Variants in NAT1 observed in about 807,000 individuals in gnomAD.
NAT1 encodes arylamine N-acetyltransferase 1.
For synonymous variants in NAT1, 144 were observed against 122.6 expected (o/e 1.17, Z -1.16); for missense variants, 400 against 339.2 (o/e 1.18, Z -1.41).
chr8:18,217,414 G>A (rs1804794510), intron 1 of NAT1, among the ~76,000 whole-genome samples: 1 of 152,252 alleles, frequency 6.6e-6, no homozygotes, highest in Non-Finnish European at 1.5e-5. Flanking sequence ...CTGAGTAAAT[G>A]TAGACTATCT....
intron 2 of NAT1, 190 bp from the exon 3 acceptor site, chr8:18,221,852 T>C (rs1589130410): frequency 3.8e-6 from 2 of 531,554 alleles, no homozygotes; most frequent in East Asian, 6.4e-5. Context: ...AATACATTTC[T>C]CACAGGATTC....
At chr8:18,217,789 C>G (rs116960873) in intron 1 of NAT1, among the ~76,000 whole-genome samples, 1,970 of 152,234 alleles carry the variant, frequency 0.013, 15 homozygotes, top group Non-Finnish European at 0.021. Context: ...GCACAAATCT[C>G]CATTTTCTCC....
chr8:18,199,827 CA>C (rs1482302021), intron 2 of NAT1, among the ~76,000 whole-genome samples: 1 of 152,076 alleles, frequency 6.6e-6, no homozygotes, highest in Non-Finnish European at 1.5e-5. Flanking sequence ...AAGCAAAAAA[CA>C]AACAGCCACA....
chr8:18,219,323 C>G (rs28359523), intron 1 of NAT1, 88 bp from the exon 2 acceptor site: 20,411 of 868,734 alleles, frequency 0.023, 329 homozygotes, highest in Middle Eastern at 0.073. Context: ...TTTAGGAAAT[C>G]TTCATAATTT....
At chr8:18,173,486 C>A (rs1802175145) in intron 2 of NAT1, among the ~76,000 whole-genome samples, 1 of 152,124 alleles carries the variant, frequency 6.6e-6, no homozygotes, top group Admixed American at 6.6e-5. Context: ...ATGCTGTGCA[C>A]CTACATTCAG....
At chr8:18,207,696 A>T (rs1489183852), upstream of NAT1, among the ~76,000 whole-genome samples, 3 of 152,268 alleles carry the variant, frequency 2.0e-5, no homozygotes, top group African/African-American at 2.4e-5. Context: ...TCATTGTGGA[A>T]GATGGTGTGG....
chr8:18,210,024 G>A (rs951330854), upstream of NAT1: 1 of 152,106 alleles, frequency 6.6e-6, no homozygotes, highest in Non-Finnish European at 1.5e-5. Flanking sequence ...AGGGGCCCCT[G>A]GGGTAACCCT....
At chr8:18,193,491 G>GCT (rs1563170643) in intron 2 of NAT1, among the ~76,000 whole-genome samples, 15 of 102,812 alleles carry the variant, frequency 1.5e-4, no homozygotes, top group African/African-American at 3.6e-4. Context: ...TATATAATCT[G>GCT]ATATATATAT....
chr8:18,217,236 G>A lies in NAT1; in HGVS notation c.-85-2175G>A, dbSNP rs28969436. Among the ~76,000 whole-genome samples, 1,083 of 152,292 alleles carry A rather than the reference G, an allele frequency of 7.1e-3. 6 individuals are homozygous for A. Among genetic ancestry groups the A allele is most frequent in the Non-Finnish European group, 0.012 (806 of 68,030 alleles). On this transcript the variant is annotated intron_variant, in intron 1 of 2. Coordinates refer to ENST00000307719, the MANE Select transcript of NAT1 (RefSeq NM_000662.8). ...TTTCTACAACAGCCTGCCAGTCCCC[G>A]AAATCCTCTAAGTTGTTTCTTAGTG...
At chr8:18,179,145 C>T (rs1285285530) in intron 2 of NAT1, among the ~76,000 whole-genome samples, 1 of 152,060 alleles carries the variant, frequency 6.6e-6, no homozygotes, top group Non-Finnish European at 1.5e-5. Flanking sequence ...ACAGTATTTG[C>T]CTGATATTTG....
chr8:18,198,791 T>C (rs994701115), intron 2 of NAT1, among the ~76,000 whole-genome samples: 1 of 152,018 alleles, frequency 6.6e-6, no homozygotes, highest in African/African-American at 2.4e-5. Flanking sequence ...CACCACACAG[T>C]GAAATGGTCA....
chr8:18,183,800 G>A (rs1029557654), intron 2 of NAT1, among the ~76,000 whole-genome samples: 1 of 152,182 alleles, frequency 6.6e-6, no homozygotes, highest in Non-Finnish European at 1.5e-5. Context: ...AGGGGTAGCA[G>A]GTTTCAAGTC....
At chr8:18,217,152 G>T (rs1804760232) in intron 1 of NAT1, 1 of 168,704 alleles carries the variant, frequency 5.9e-6, no homozygotes, top group Non-Finnish European at 1.2e-5. Flanking sequence ...AGATCAGGTT[G>T]TTCATTTTTT....
intron 2 of NAT1, among the ~76,000 whole-genome samples, chr8:18,201,994 AT>A (rs1167415788): frequency 6.6e-6 from 1 of 152,220 alleles, no homozygotes; most frequent in Non-Finnish European, 1.5e-5. Flanking sequence ...ACTTTCTGAC[AT>A]TTAGTTGGCC....
At chr8:18,185,522 T>A (rs1011642480) in intron 2 of NAT1, among the ~76,000 whole-genome samples, 10 of 152,190 alleles carry the variant, frequency 6.6e-5, no homozygotes, top group Non-Finnish European at 2.9e-5. Flanking sequence ...ATATTGTTGG[T>A]CTTTGTGCGT....
rs73589905 is a variant in NAT1 at position 18,181,630 on chromosome 8, G to A, written n.92+10891G>A. On this transcript the variant is annotated intron_variant and non_coding_transcript_variant, in intron 2 of 4. Coordinates refer to the NAT1 transcript ENST00000517441. Reference sequence around the variant, plus strand: ...TATGTATAAAAGTGGTAAAAGTGGTGAAAGTGGGCATACTTGTCTTGTTCC... The same window carrying A: ...TATGTATAAAAGTGGTAAAAGTGGTAAAAGTGGGCATACTTGTCTTGTTCC... 9.0e-3 allele frequency among the ~76,000 whole-genome samples: 1,370 copies of A among 152,264 alleles called. 33 individuals are homozygous for A. Among genetic ancestry groups the A allele is most frequent in the African/African-American group, 0.031 (1,306 of 41,554 alleles).
At chr8:18,179,891 G>A (rs1272695336) in intron 2 of NAT1, among the ~76,000 whole-genome samples, 1 of 152,066 alleles carries the variant, frequency 6.6e-6, no homozygotes, top group Non-Finnish European at 1.5e-5. Context: ...TTGCAGTGTA[G>A]AAAGATTAAA....
chr8:18,207,764 G>A (rs1803787143), upstream of NAT1, among the ~76,000 whole-genome samples: 1 of 151,968 alleles, frequency 6.6e-6, no homozygotes, highest in Non-Finnish European at 1.5e-5. Context: ...CCCATTCCTG[G>A]GTATATACCC....
chr8:18,216,530 A>G (rs1308338312), intron 1 of NAT1, among the ~76,000 whole-genome samples: 2 of 152,082 alleles, frequency 1.3e-5, no homozygotes, highest in Non-Finnish European at 2.9e-5. Context: ...CCTGCTCTAA[A>G]ATGTCCATTT....
Sources: gnomAD v4.1 joint callset for allele counts (sites outside exome capture counted in the v4.1 genomes callset) on GRCh38, gnomAD v4.1.1 for gene constraint, MANE v1.5 for transcripts, NCBI Gene and HGNC (gene_info 2026-07-23, HGNC 2026-07-21) for gene names.